The following KCP variants were observed in gnomAD, a reference collection of about 807,000 sequenced individuals.
The protein encoded by KCP is kielin/chordin-like protein.
A neutral mutation model predicts 212.7 loss-of-function variants in KCP; 194 were observed. The observed-to-expected ratio is 0.91, with a 90% CI of 0.81 to 1.03. KCP has a LOEUF of 1.03. KCP is among the 50% of genes least tolerant of loss of function. The pLI is 0.00. For missense variants in KCP, 2,080 were observed against 2,162.5 expected (o/e 0.96, Z 0.76); for synonymous variants, 833 against 865.3 (o/e 0.96, Z 0.65).
chr7:128,902,697 T>A, intron 8 of KCP, 80 bp downstream of exon 8: 1 of 1,291,832 alleles, frequency 7.7e-7, no homozygotes, highest in Non-Finnish European at 1.1e-6. Context: ...CTCTGCGAAG[T>A]ACTCCATAGA....
intron 8 of KCP, among the ~76,000 whole-genome samples, chr7:128,896,889 CAAAAAAAAAAAAAAA>C (rs35522047): frequency 6.9e-5 from 4 of 58,084 alleles, no homozygotes; most frequent in African/African-American, 2.7e-4. Context: ...GACTCCATCT[CAAAAAAAAAAAAAAA>C]AAAAAAAAAA....
In KCP at chr7:128,907,292, G is replaced by GCC; in HGVS notation, c.379_380dup (p.Pro128AlafsTer92). On this transcript the variant is annotated frameshift_variant, in exon 3 of 40. Transcript: ENST00000610776. LOFTEE classifies it high-confidence loss of function. ...TGCAATGGGGCAGGTGTGCTTGGGG[G>GCC]CCACAGTGAGCGGCCCCATCCTGGC... The GCC allele has an allele frequency of 2.0e-6, 3 of 1,536,356 alleles. No homozygotes were observed. Among genetic ancestry groups the GCC allele is most frequent in the Non-Finnish European group, 2.6e-6 (3 of 1,134,960 alleles).
intron 8 of KCP, among the ~76,000 whole-genome samples, chr7:128,898,241 A>T (rs1162296127): frequency 2.6e-5 from 4 of 152,136 alleles, no homozygotes; most frequent in Non-Finnish European, 5.9e-5. Flanking sequence ...TTTTTAGTAG[A>T]GATGGGGTTT....
chr7:128,907,413 C>A lies in KCP; in HGVS notation c.260G>T (p.Cys87Phe). 1 of 1,519,076 alleles carries A rather than the reference C, an allele frequency of 6.6e-7. No homozygotes were observed. Among genetic ancestry groups the A allele is most frequent in the Non-Finnish European group, 8.9e-7 (1 of 1,123,624 alleles). 94.1% of individuals were successfully genotyped at this position (1,519,076 alleles called of 1,614,324 possible). A position where few individuals can be genotyped will look rare whatever the true frequency, so the allele number is the denominator to read the frequency against. ...LQTRVRQLES[C>F]ECHPASPQCW... is the part of the protein sequence containing the mutation. ...CTGGGGAGATGCAGGGTGGCACTCACAGGACTCCAGCTGCCTCACCCTCGT... is the reference window on the plus strand; with the variant it reads ...CTGGGGAGATGCAGGGTGGCACTCAAAGGACTCCAGCTGCCTCACCCTCGT... Residue 87 changes from cysteine (C) to phenylalanine (F), a missense_variant, in exon 3 of 40, where the codon TGT (cysteine) becomes TTT (phenylalanine). Physicochemically the swap from Cys to Phe is radical, Grantham distance 205. Transcript: ENST00000610776.
rs1452863902 is a variant in KCP, at chr7:128,877,763, G to A, written c.4339C>T (p.Pro1447Ser). Residue 1447 changes from proline to serine, a missense_variant, in exon 39 of 40, where the codon CCC becomes TCC. Coordinates refer to ENST00000610776, the MANE Select transcript of KCP (RefSeq NM_001366122.1). Reference protein sequence around the residue: ...QVSEGLWPGRPCSAGREVDPC... With the variant: ...QVSEGLWPGRSCSAGREVDPC... ...TCCACCTCTCGGCCTGCAGAACAGG[G>A]CCGGCCAGGCCACAGCCCCTCTGAG... The A allele has an allele frequency of 6.5e-7, 1 of 1,549,912 alleles. No individual in the cohort carries two copies. The highest frequency in any genetic ancestry group is 1.4e-5 in the African/African-American group (1 of 73,188).
rs1793259974 is a variant in KCP, at chr7:128,880,428, C to G, written c.3717G>C (p.Val1239=). The change falls in exon 34 of 40, where the codon GTG becomes GTC. Residue 1239 remains valine, a synonymous_variant. Transcript: ENST00000610776. ...CTSCSCMAGT[V]RCQSQRCSPL... is the part of the protein sequence containing the mutation. Reference sequence around the variant, plus strand: ...GTGAGCAGCGCTGGCTCTGGCAACGCACGGTGCCCGCCATGCAGGAGCAGC... The same window carrying G: ...GTGAGCAGCGCTGGCTCTGGCAACGGACGGTGCCCGCCATGCAGGAGCAGC... The G allele has an allele frequency of 6.5e-7, 1 of 1,546,274 alleles. No homozygotes were observed.
Position 128,877,615 on chromosome 7 carries a change from C to T in KCP, c.4487G>A (p.Cys1496Tyr), listed in dbSNP as rs1793071896. 1 of 1,551,602 alleles carries T rather than the reference C, an allele frequency of 6.4e-7. No homozygotes were observed. Among genetic ancestry groups the T allele is most frequent in the African/African-American group, 1.4e-5 (1 of 73,058 alleles). ...GCCACAGGCACACAGGTCATACACACAGGCGGCAAAGAAGGGCTCCGGTGG... is the reference window on the plus strand; with the variant it reads ...GCCACAGGCACACAGGTCATACACATAGGCGGCAAAGAAGGGCTCCGGTGG... ...VVPPEPFFAA[C>Y]VYDLCACGPG... is the part of the protein sequence containing the mutation. Residue 1496 changes from cysteine to tyrosine, a missense_variant, in exon 39 of 40, where the codon TGT becomes TAT. Transcript: ENST00000610776.
intron 29 of KCP, 97 bp from the exon 30 acceptor site, chr7:128,882,113 C>G: frequency 2.3e-6 from 2 of 882,448 alleles, no homozygotes; most frequent in Non-Finnish European, 1.8e-6. Context: ...GTTTCTAACT[C>G]GAACTCCTGA....
intron 27 of KCP, 61 bp from the exon 28 acceptor site, chr7:128,884,924 G>T (rs2128945341): frequency 6.6e-7 from 1 of 1,515,184 alleles, no homozygotes. Flanking sequence ...AGCGAGGCAG[G>T]GGTGGAGTCC....
At chr7:128,903,629 C>T in intron 7 of KCP, 98 bp downstream of exon 7, 1 of 1,002,760 alleles carries the variant, frequency 1.0e-6, no homozygotes, top group Non-Finnish European at 1.5e-6. Context: ...CCGCCACGGA[C>T]CAAACCCACT....
intron 8 of KCP, among the ~76,000 whole-genome samples, chr7:128,896,815 C>G (rs112126445): frequency 0.052 from 7,590 of 147,168 alleles, 670 homozygotes; most frequent in African/African-American, 0.18. Context: ...CACTTGAAAC[C>G]GGGAGGCAGA....
chr7:128,906,217 G>A (rs568375704), intron 5 of KCP, 62 bp downstream of exon 5: 4 of 1,348,578 alleles, frequency 3.0e-6, no homozygotes, highest in Admixed American at 2.0e-5. Flanking sequence ...GAGGTGGCAG[G>A]CTGTGTCTGT....
chr7:128,890,809 G>A lies in KCP; in HGVS notation c.2164+96C>T, dbSNP rs111441778. On this transcript the variant is annotated intron_variant, in intron 20 of 39. Transcript: ENST00000610776. ...CCTAACAAGATCCCCGACGTGGGCG[G>A]AGCGGGCCTGGAGGAAGGGGACTGG... is the stretch of plus-strand genomic sequence containing the variant. 2,557 of 1,079,528 alleles carry A rather than the reference G, an allele frequency of 2.4e-3. 10 individuals carry two copies. The highest frequency in any genetic ancestry group is 2.8e-3 in the Non-Finnish European group (2,200 of 792,486). The allele number at this position is 1,079,528 out of a possible 1,614,324, so 66.9% of individuals were successfully genotyped here.
chr7:128,892,882 G>A lies in KCP; in HGVS notation c.1407C>T (p.Pro469=). ...VLCPPAPCQH[P]TQPPGACCPS... ...CCAGGCACTCACCAGGGGGCTGGGT[G>A]GGGTGCTGGCAGGGGGCTGGGGGGC... Residue 469 remains proline, a synonymous_variant, in exon 14 of 40, where the codon CCC becomes CCT. Transcript: ENST00000610776. 6.4e-7 allele frequency: 1 copy of A among 1,550,422 alleles called. No homozygotes were observed. The highest frequency in any genetic ancestry group is 8.7e-7 in the Non-Finnish European group (1 of 1,146,436).
chr7:128,901,022 T>A (rs1046111245), intron 8 of KCP, among the ~76,000 whole-genome samples: 7 of 152,150 alleles, frequency 4.6e-5, no homozygotes, highest in Admixed American at 2.6e-4. Flanking sequence ...GCACAAGATA[T>A]AGGTCATAAA....
chr7:128,877,779 C>T lies in KCP; in HGVS notation c.4323G>A (p.Gly1441=). ...CAGAACAGGGCCGGCCAGGCCACAG[C>T]CCCTCTGAGACCTGGGTGGGGAGAG... ...AFGNSWQVSE[G]LWPGRPCSAG... Residue 1441 remains glycine (G), a synonymous_variant, in exon 39 of 40, where the codon GGG becomes GGA. Transcript: ENST00000610776. The T allele has an allele frequency of 6.5e-7, 1 of 1,547,666 alleles. No individual in the cohort carries two copies. Among genetic ancestry groups the T allele is most frequent in the Non-Finnish European group, 8.7e-7 (1 of 1,145,172 alleles).
Position 128,879,727 on chromosome 7 carries a change from C to T in KCP, c.4035G>A (p.Gly1345=), listed in dbSNP as rs1319647400. ...GDMAVRLLQD[G]AVTVDGHPVA... ...CCTCGGCTTTGCTCACCGTGACTGCCCCGTCCTGCAGCAGCCGCACGGCCA... is the reference window on the plus strand; with the variant it reads ...CCTCGGCTTTGCTCACCGTGACTGCTCCGTCCTGCAGCAGCCGCACGGCCA... Residue 1345 remains glycine, a synonymous_variant, in exon 36 of 40, where the codon GGG becomes GGA. Coordinates refer to ENST00000610776, the MANE Select transcript of KCP (RefSeq NM_001366122.1). The T allele has an allele frequency of 1.3e-6, 2 of 1,550,214 alleles. No homozygotes were observed. Among genetic ancestry groups the T allele is most frequent in the South Asian group, 1.2e-5 (1 of 84,062 alleles).
intron 2 of KCP, among the ~76,000 whole-genome samples, chr7:128,907,864 C>A (rs1161041694): frequency 6.6e-6 from 1 of 152,126 alleles, no homozygotes; most frequent in Non-Finnish European, 1.5e-5. Flanking sequence ...CCTGGTGGCT[C>A]ACACCTGTAA....
intron 11 of KCP, 151 bp downstream of exon 11, chr7:128,893,655 G>C: frequency 1.0e-6 from 1 of 993,532 alleles, no homozygotes; most frequent in Non-Finnish European, 1.5e-6. Context: ...GCCCCAGCAT[G>C]GTGCCAGTTT....
Sources: gnomAD v4.1 joint callset for allele counts (sites outside exome capture counted in the v4.1 genomes callset) on GRCh38, gnomAD v4.1.1 for gene constraint, MANE v1.5 for transcripts, NCBI Gene and HGNC (gene_info 2026-07-23, HGNC 2026-07-21) for gene names.